Variants in NDUFB6 observed in about 807,000 individuals in gnomAD.
The protein encoded by NDUFB6 is NADH:ubiquinone oxidoreductase subunit B6, also known as NADH dehydrogenase [ubiquinone] 1 beta subcomplex subunit 6.
A neutral mutation model predicts 17.5 loss-of-function variants in NDUFB6; 23 were observed. The ratio of observed to expected loss-of-function variants is 1.31; its 90% CI spans 0.94 to 1.86. The LOEUF (loss-of-function observed/expected upper bound fraction) is 1.86, where lower values mean the gene tolerates loss of function less well. Ranked by LOEUF, NDUFB6 falls within the 40% of genes most tolerant of loss-of-function variation. The probability of loss-of-function intolerance (pLI) is 0.00; values close to 1 mark genes in which losing one functional copy is unlikely to be tolerated. For missense variants in NDUFB6, 167 were observed against 153.8 expected, an observed-to-expected ratio of 1.09 and a Z score of -0.46; for synonymous variants, 60 against 53.5, an observed-to-expected ratio of 1.12 and a Z score of -0.53.
chr9:32,562,481 CA>C (rs1486234762), intron 2 of NDUFB6, among the ~76,000 whole-genome samples: 6 of 152,148 alleles, frequency 3.9e-5, no homozygotes. Flanking sequence ...ACTCTTCTGT[CA>C]ATAGGCTAAC....
intron 2 of NDUFB6, among the ~76,000 whole-genome samples, chr9:32,564,202 A>G (rs1325051669): frequency 6.6e-6 from 1 of 152,224 alleles, no homozygotes; most frequent in Non-Finnish European, 1.5e-5. Flanking sequence ...TTTAAAAACC[A>G]TGAGTTCACA....
chr9:32,558,363 G>A (rs1235656047), intron 3 of NDUFB6, among the ~76,000 whole-genome samples: 1 of 152,070 alleles, frequency 6.6e-6, no homozygotes, highest in African/African-American at 2.4e-5. Context: ...CACCCATCTT[G>A]GCCTCCCAAA....
At position 32,572,915 on chromosome 9, in the gene NDUFB6, T is replaced by G. The variant is rs752076263; in HGVS notation, c.146A>C (p.Lys49Thr). ...CCAAGGGGATTTATTCTCCAAAAAT[T>G]TATTCCAGAATTTCTCCATAGGCCC... is the stretch of plus-strand genomic sequence containing the variant. Reference protein sequence around the residue: ...KMGPMEKFWNKFLENKSPWRK... With the variant: ...KMGPMEKFWNTFLENKSPWRK... Residue 49 changes from lysine to threonine, a missense_variant, in exon 1 of 4, where the codon AAA (lysine) becomes ACA (threonine). Physicochemically the swap from Lys to Thr is moderately conservative, Grantham distance 78 (BLOSUM62 -1). Transcript: ENST00000379847. 3.1e-6 allele frequency: 5 copies of G among 1,603,800 alleles called. No homozygotes were observed. The highest frequency in any genetic ancestry group is 2.7e-5 in the African/African-American group (2 of 74,308).
chr9:32,554,561 T>C (rs1164615322), intron 3 of NDUFB6, among the ~76,000 whole-genome samples: 1 of 152,218 alleles, frequency 6.6e-6, no homozygotes, highest in East Asian at 1.9e-4. Flanking sequence ...TAGATTCTGT[T>C]AGCCTGCCAG....
chr9:32,561,771 T>C (rs556255348), intron 2 of NDUFB6, among the ~76,000 whole-genome samples: 13 of 152,310 alleles, frequency 8.5e-5, no homozygotes, highest in African/African-American at 3.1e-4. Context: ...CAACTTCAGG[T>C]GTTTCTTCCT....
chr9:32,555,203 C>T lies in NDUFB6; in HGVS notation c.319-1259G>A, dbSNP rs573467960. Among the ~76,000 whole-genome samples the T allele has an allele frequency of 4.9e-4, 75 of 152,252 alleles. 2 individuals carry two copies. The highest frequency in any genetic ancestry group is 6.8e-3 in the Middle Eastern group (2 of 292). ...CAAGGCAGGAGGATTGCTTGAGGCC[C>T]AGAGTTCAAAACCAGCCTGAGCAAG... On this transcript the variant is annotated intron_variant, in intron 3 of 3. Coordinates refer to ENST00000379847, the MANE Select transcript of NDUFB6 (RefSeq NM_002493.5).
intron 2 of NDUFB6, chr9:32,567,363 G>A (rs1173291246): frequency 1.3e-5 from 6 of 467,996 alleles, no homozygotes; most frequent in South Asian, 3.1e-5. Context: ...TTCAGATGGA[G>A]TCTCGCTCTG....
chr9:32,566,410 A>G (rs1821790667), intron 2 of NDUFB6: 2 of 892,430 alleles, frequency 2.2e-6, no homozygotes, highest in Admixed American at 3.4e-5. Context: ...CCAGAAGAGG[A>G]GCCTGCTCTC....
At chr9:32,563,932 T>A (rs1004792935) in intron 2 of NDUFB6, among the ~76,000 whole-genome samples, 2 of 152,240 alleles carry the variant, frequency 1.3e-5, no homozygotes, top group African/African-American at 4.8e-5. Flanking sequence ...CTTTACTTTC[T>A]GGCACAATAA....
At chr9:32,559,986 G>T (rs904981105) in intron 2 of NDUFB6, among the ~76,000 whole-genome samples, 4 of 152,166 alleles carry the variant, frequency 2.6e-5, no homozygotes, top group Non-Finnish European at 5.9e-5. Context: ...AAATTTAAAA[G>T]ATTATTGGCA....
rs139564900 is a variant in NDUFB6 at position 32,570,759 on chromosome 9, AAGTTGTAAACT to A, written c.273+190_273+200del. Among the ~76,000 whole-genome samples, 499 of 152,328 alleles carry A rather than the reference AAGTTGTAAACT, an allele frequency of 3.3e-3. 2 individuals carry two copies. Among genetic ancestry groups the A allele is most frequent in the African/African-American group, 0.012 (480 of 41,566 alleles). The stretch of plus-strand genomic sequence containing the variant: ...TAATTTCTATGAGGAAATCCATTTC[AAGTTGTAAACT>A]AGTGACAATATTTTTTAAAAACTAT... On this transcript the variant is annotated intron_variant, in intron 2 of 3. Transcript: ENST00000379847.
chr9:32,553,820 A>G lies in NDUFB6; in HGVS notation c.*56T>C. ...TACTTTTCCAGAAAATTCAGTAAAT[A>G]TGGTAATATAGGAACAAACTTAGGC... On this transcript the variant is annotated 3_prime_UTR_variant, in exon 4 of 4. Transcript: ENST00000379847. 9.0e-7 allele frequency: 1 copy of G among 1,113,580 alleles called. No individual in the cohort carries two copies. Among genetic ancestry groups the G allele is most frequent in the East Asian group, 2.4e-5 (1 of 42,254 alleles). The allele number at this position is 1,113,580 out of a possible 1,614,324, so 69.0% of individuals were successfully genotyped here. A position where few individuals can be genotyped will look rare whatever the true frequency, so the allele number is the denominator to read the frequency against.
chr9:32,563,097 ATTCAAGTTAT>A, intron 2 of NDUFB6, among the ~76,000 whole-genome samples: 1 of 152,310 alleles, frequency 6.6e-6, no homozygotes, highest in Middle Eastern at 3.4e-3. Flanking sequence ...AATAAATTAC[ATTCAAGTTAT>A]GCACCTTTGG....
Position 32,553,865 on chromosome 9 carries a change from T to C in NDUFB6, c.*11A>G. 1 of 1,547,426 alleles carries C rather than the reference T, an allele frequency of 6.5e-7. No homozygotes were observed. Among genetic ancestry groups the C allele is most frequent in the Non-Finnish European group, 8.9e-7 (1 of 1,122,600 alleles). On this transcript the variant is annotated 3_prime_UTR_variant, in exon 4 of 4. Coordinates refer to ENST00000379847, the MANE Select transcript of NDUFB6 (RefSeq NM_002493.5). ...TTAGGCTCATAAGCCTTTTAACTTTTTACATAATCTTTAATGATGTTGATC... is the reference window on the plus strand; with the variant it reads ...TTAGGCTCATAAGCCTTTTAACTTTCTACATAATCTTTAATGATGTTGATC...
At chr9:32,560,562 T>C (rs1248714076) in intron 2 of NDUFB6, among the ~76,000 whole-genome samples, 1 of 152,230 alleles carries the variant, frequency 6.6e-6, no homozygotes, top group Non-Finnish European at 1.5e-5. Context: ...ACAGAGGTTT[T>C]AAAAAATTAG....
chr9:32,569,219 T>C (rs1245895866), intron 2 of NDUFB6, among the ~76,000 whole-genome samples: 1 of 152,034 alleles, frequency 6.6e-6, no homozygotes, highest in East Asian at 1.9e-4. Flanking sequence ...AAGTTTTTGT[T>C]TTTTTCTTTT....
intron 2 of NDUFB6, among the ~76,000 whole-genome samples, chr9:32,564,137 C>T (rs185058473): frequency 5.3e-5 from 8 of 152,318 alleles, no homozygotes; most frequent in South Asian, 2.1e-4. Context: ...CACACAAACA[C>T]GCATGCACAC....
chr9:32,557,179 TC>T (rs1015749263), intron 3 of NDUFB6, among the ~76,000 whole-genome samples: 1 of 104,238 alleles, frequency 9.6e-6, no homozygotes, highest in African/African-American at 3.8e-5. Context: ...TTTTTTTTTT[TC>T]CCGAGACAGA....
At chr9:32,567,143 G>A (rs780713916) in intron 2 of NDUFB6, 16 of 477,860 alleles carry the variant, frequency 3.3e-5, no homozygotes, top group South Asian at 2.3e-4. Context: ...TGTACTCAAC[G>A]CCTCTGGGCC....
Sources: gnomAD v4.1 joint callset for allele counts (sites outside exome capture counted in the v4.1 genomes callset) on GRCh38, gnomAD v4.1.1 for gene constraint, MANE v1.5 for transcripts, NCBI Gene and HGNC (gene_info 2026-07-23, HGNC 2026-07-21) for gene names.